Variants in MRM2 observed in about 807,000 individuals in gnomAD.
MRM2 encodes the protein rRNA methyltransferase 2, mitochondrial.
A neutral mutation model predicts 10.9 loss-of-function variants in MRM2; 15 were observed. The observed-to-expected ratio is 1.37, with a 90% CI of 0.92 to 2.11. The LOEUF (loss-of-function observed/expected upper bound fraction) is 2.11, where lower values mean the gene tolerates loss of function less well. Ranked by LOEUF, MRM2 falls within the 30% of genes most tolerant of loss-of-function variation. MRM2 has a pLI of 0.00. For synonymous variants in MRM2, 139 were observed against 128.7 expected, an observed-to-expected ratio of 1.08 and a Z score of -0.54; for missense variants, 328 against 321.3, an observed-to-expected ratio of 1.02 and a Z score of -0.16.
intron 1 of MRM2, 21 bp downstream of exon 1, chr7:2,242,141 C>G: frequency 6.3e-7 from 1 of 1,583,378 alleles, no homozygotes; most frequent in Non-Finnish European, 8.6e-7. Flanking sequence ...TCTGCACGCG[C>G]AGCAGCAGCG....
Position 2,235,309 on chromosome 7 carries a change from A to C in MRM2, c.554T>G (p.Leu185Arg). 1 of 1,614,086 alleles carries C rather than the reference A, an allele frequency of 6.2e-7. No homozygotes were observed. Among genetic ancestry groups the C allele is most frequent in the South Asian group, 1.1e-5 (1 of 91,082 alleles). ...ACAAAGGAATGTCCCCCCAGGTTGCAGGATGTCTGGGGTCACGCTGAGAAG... is the reference window on the plus strand; with the variant it reads ...ACAAAGGAATGTCCCCCCAGGTTGCCGGATGTCTGGGGTCACGCTGAGAAG... ...LTLLSVTPDI[L>R]QPGGTFLCKT... is the part of the protein sequence containing the mutation. The change falls in exon 3 of 3, where the codon CTG becomes CGG. Residue 185 changes from leucine to arginine, a missense_variant. By Grantham distance (102) the Leu-to-Arg change is moderately radical. Transcript: ENST00000242257.
In MRM2 at chr7:2,234,384, C is replaced by T. The variant is rs1272147454; in HGVS notation, c.*738G>A. 2 of 152,226 alleles carry T rather than the reference C, an allele frequency of 1.3e-5. No individual in the cohort carries two copies. The highest frequency in any genetic ancestry group is 2.9e-5 in the Non-Finnish European group (2 of 68,060). 9.4% of individuals were successfully genotyped at this position (152,226 alleles called of 1,614,324 possible). On this transcript the variant is annotated 3_prime_UTR_variant, in exon 3 of 3. Transcript: ENST00000242257. ...AGCAGACCCACTGCCTGGATAAATT[C>T]AGACCATACGTCTTCCCTAATTGTT... is the stretch of plus-strand genomic sequence containing the variant.
intron 2 of MRM2, chr7:2,238,985 A>G (rs1298495829): frequency 7.0e-4 from 10 of 14,206 alleles, no homozygotes; most frequent in Admixed American, 5.1e-3. Flanking sequence ...AATTATATAT[A>G]TATATATATA....
chr7:2,236,229 CAAAAGA>C (rs373214324), intron 2 of MRM2, among the ~76,000 whole-genome samples: 81 of 151,972 alleles, frequency 5.3e-4, no homozygotes, highest in African/African-American at 1.5e-3. Flanking sequence ...GACTCGATCT[CAAAAGA>C]AAAAGAAAAA....
At chr7:2,238,977 TTATA>T (rs779018390) in intron 2 of MRM2, 1 of 31,250 alleles carries the variant, frequency 3.2e-5, no homozygotes, top group Non-Finnish European at 4.1e-5. Context: ...ACAATAATAA[TTATA>T]TATATATATA....
In MRM2 at chr7:2,235,144, C is replaced by T; in HGVS notation, c.719G>A (p.Arg240Lys). 6.2e-7 allele frequency: 1 copy of T among 1,613,340 alleles called. No individual in the cohort carries two copies. The highest frequency in any genetic ancestry group is 8.5e-7 in the Non-Finnish European group (1 of 1,179,348). ...TCCTCACTGCTTCACAGTGCCCTTC[C>T]TTCCGTGGTACTGTGTGGCCAAGAA... Reference protein sequence around the residue: ...VYFLATQYHGRKGTVKQ With the variant: ...VYFLATQYHGKKGTVKQ The change falls in exon 3 of 3, where the codon AGG becomes AAG. Residue 240 changes from arginine to lysine, a missense_variant. Physicochemically the swap from Arg to Lys is conservative, Grantham distance 26. Coordinates refer to ENST00000242257, the MANE Select transcript of MRM2 (RefSeq NM_013393.3).
rs755188696 is a variant in MRM2, at chr7:2,242,152, C to A, written c.8+10G>T. The A allele has an allele frequency of 3.0e-5, 47 of 1,583,720 alleles. No homozygotes were observed. Among genetic ancestry groups the A allele is most frequent in the Non-Finnish European group, 3.7e-5 (43 of 1,169,236 alleles). ...GCTGTCTGCACGCGCAGCAGCAGCG[C>A]CCAGCTCACCCCGCCATTGGTGTTC... On this transcript the variant is annotated intron_variant, in intron 1 of 2. Coordinates refer to ENST00000242257, the MANE Select transcript of MRM2 (RefSeq NM_013393.3).
rs554567518 is a variant in MRM2, at chr7:2,240,942, C to T, written c.8+1220G>A. ...AACTCCTGACCTCCGCTGATCTGCC[C>T]GCCTTGGCCTCCCAAAGTGCTGGGA... is the stretch of plus-strand genomic sequence containing the variant. On this transcript the variant is annotated intron_variant, in intron 1 of 2. Coordinates refer to ENST00000242257, the MANE Select transcript of MRM2 (RefSeq NM_013393.3). Among the ~76,000 whole-genome samples the T allele has an allele frequency of 4.6e-5, 7 of 152,242 alleles. No homozygotes were observed. The East Asian group carries it at 1.2e-3, about 25-fold the overall frequency.
chr7:2,240,419 G>C (rs905930980), intron 1 of MRM2: 5 of 327,614 alleles, frequency 1.5e-5, no homozygotes, highest in African/African-American at 8.9e-5. Flanking sequence ...TCTTTTTTTC[G>C]AGACAGGGTC....
intron 2 of MRM2, among the ~76,000 whole-genome samples, chr7:2,235,819 G>A (rs1445316642): frequency 6.6e-6 from 1 of 152,212 alleles, no homozygotes; most frequent in African/African-American, 2.4e-5. Flanking sequence ...CCTCAGCCAT[G>A]GGCAGACCTG....
At position 2,242,160 on chromosome 7, in the gene MRM2, A is replaced by AC; in HGVS notation, c.8+1dup. The AC allele has an allele frequency of 6.4e-7, 1 of 1,563,022 alleles. No homozygotes were observed. The highest frequency in any genetic ancestry group is 8.6e-7 in the Non-Finnish European group (1 of 1,159,210). ...CACGCGCAGCAGCAGCGCCCAGCTC[A>AC]CCCCGCCATTGGTGTTCCCCGCGCC... On this transcript the variant is annotated splice_donor_variant, in intron 1 of 2. Transcript: ENST00000242257. LOFTEE classifies it high-confidence loss of function.
chr7:2,239,355 C>T, intron 2 of MRM2, 63 bp downstream of exon 2: 1 of 1,511,264 alleles, frequency 6.6e-7, no homozygotes, highest in Non-Finnish European at 9.1e-7. Context: ...GCAAAGGCAG[C>T]TTGCCCATGC....
chr7:2,240,708 T>C (rs917586101), intron 1 of MRM2, among the ~76,000 whole-genome samples: 2 of 143,254 alleles, frequency 1.4e-5, no homozygotes, highest in Admixed American at 7.2e-5. Context: ...CTATGTCCTC[T>C]TTTTCTTTTT....
Position 2,235,144 on chromosome 7 carries a change from C to A in MRM2, c.719G>T (p.Arg240Met). 6.2e-7 allele frequency: 1 copy of A among 1,613,340 alleles called. No individual in the cohort carries two copies. The highest frequency in any genetic ancestry group is 8.5e-7 in the Non-Finnish European group (1 of 1,179,348). The change falls in exon 3 of 3, where the codon AGG becomes ATG. Residue 240 changes from arginine (R) to methionine (M), a missense_variant. Physicochemically the swap from Arg to Met is moderately conservative, Grantham distance 91. Coordinates refer to ENST00000242257, the MANE Select transcript of MRM2 (RefSeq NM_013393.3). Reference protein sequence around the residue: ...VYFLATQYHGRKGTVKQ With the variant: ...VYFLATQYHGMKGTVKQ ...TCCTCACTGCTTCACAGTGCCCTTC[C>A]TTCCGTGGTACTGTGTGGCCAAGAA...
At chr7:2,237,861 A>AGC (rs1794445692) in intron 2 of MRM2, among the ~76,000 whole-genome samples, 1 of 147,376 alleles carries the variant, frequency 6.8e-6, no homozygotes, top group Non-Finnish European at 1.5e-5. Context: ...ATTGCACTCC[A>AGC]GCCTGGGCAA....
intron 1 of MRM2, chr7:2,240,304 G>A (rs974641929): frequency 2.2e-6 from 1 of 455,986 alleles, no homozygotes; most frequent in African/African-American, 2.0e-5. Flanking sequence ...GGCTCTGACA[G>A]GCTGCAAGAA....
In MRM2 at chr7:2,234,910, C is replaced by T. The variant is rs554506084; in HGVS notation, c.*212G>A. ...TTTCTCTTCCCAAATCACAATATAGCGGACTTTTTCATTTTCCATGGCCCC... is the reference window on the plus strand; with the variant it reads ...TTTCTCTTCCCAAATCACAATATAGTGGACTTTTTCATTTTCCATGGCCCC... On this transcript the variant is annotated 3_prime_UTR_variant, in exon 3 of 3. Coordinates refer to ENST00000242257, the MANE Select transcript of MRM2 (RefSeq NM_013393.3). 493 of 571,592 alleles carry T rather than the reference C, an allele frequency of 8.6e-4. 3 individuals are homozygous for T. Among genetic ancestry groups the T allele is most frequent in the African/African-American group, 7.3e-3 (386 of 53,012 alleles). 35.4% of individuals were successfully genotyped at this position (571,592 alleles called of 1,614,324 possible).
In MRM2 at chr7:2,235,536, A is replaced by G; in HGVS notation, c.327T>C (p.Leu109=). ...TDPSSPVGFV[L]GVDLLHIFPL... ...GGAATATGTGAAGAAGATCTACCCC[A>G]AGCACGAAGCCAACAGGAGAGCTGG... The change falls in exon 3 of 3, where the codon CTT becomes CTC. Residue 109 remains leucine (L), a synonymous_variant. Coordinates refer to ENST00000242257, the MANE Select transcript of MRM2 (RefSeq NM_013393.3). The G allele has an allele frequency of 6.2e-7, 1 of 1,612,420 alleles. No individual in the cohort carries two copies. The highest frequency in any genetic ancestry group is 1.7e-5 in the Admixed American group (1 of 59,988).
Position 2,239,580 on chromosome 7 carries a change from C to G in MRM2, c.136G>C (p.Ala46Pro). Residue 46 changes from alanine to proline, a missense_variant, in exon 2 of 3, where the codon GCT becomes CCT. By Grantham distance (27) the Ala-to-Pro change is conservative. Coordinates refer to ENST00000242257, the MANE Select transcript of MRM2 (RefSeq NM_013393.3). ...CACCGGTAACTCTCCACCTTCGCAG[C>G]CTTCACAAATGGGTCCCTGAGATGT... The part of the protein sequence containing the change: ...TRHLRDPFVK[A>P]AKVESYRCRS... 6.2e-7 allele frequency: 1 copy of G among 1,614,146 alleles called. No homozygotes were observed. The highest frequency in any genetic ancestry group is 1.7e-5 in the Admixed American group (1 of 60,032).
Sources: gnomAD v4.1 joint callset for allele counts (sites outside exome capture counted in the v4.1 genomes callset) on GRCh38, gnomAD v4.1.1 for gene constraint, MANE v1.5 for transcripts, NCBI Gene and HGNC (gene_info 2026-07-23, HGNC 2026-07-21) for gene names.